ITGA8: variants seen among roughly 807,000 people sequenced by gnomAD.
The protein encoded by ITGA8 is integrin alpha-8.
A neutral mutation model predicts 142.3 loss-of-function variants in ITGA8; 91 were observed. The observed-to-expected ratio is 0.64, with a 90% confidence interval of 0.54 to 0.76. The LOEUF (loss-of-function observed/expected upper bound fraction) is 0.76. Ranked by LOEUF, ITGA8 falls within the 30% of genes least tolerant of loss-of-function variation. The pLI, the probability that ITGA8 is intolerant of heterozygous loss-of-function variation, is 0.00. For missense variants in ITGA8, 1,406 were observed against 1,327.7 expected, an observed-to-expected ratio of 1.06 and a Z score of -0.92; for synonymous variants, 505 against 485.2, an observed-to-expected ratio of 1.04 and a Z score of -0.54.
At chr10:15,546,378 T>C (rs1016929147) in intron 27 of ITGA8, among the ~76,000 whole-genome samples, 1 of 152,178 alleles carries the variant, frequency 6.6e-6, no homozygotes, top group Non-Finnish European at 1.5e-5. Flanking sequence ...CCCTACATAT[T>C]TGTTGAGTGA....
At chr10:15,536,571 A>T (rs76666128) in intron 27 of ITGA8, among the ~76,000 whole-genome samples, 20,101 of 152,192 alleles carry the variant, frequency 0.13, 1,435 homozygotes, top group Middle Eastern at 0.19. Context: ...TCTCTCCCAT[A>T]TAGCAATCTA....
intron 2 of ITGA8, among the ~76,000 whole-genome samples, chr10:15,716,098 G>T (rs1835446136): frequency 6.6e-6 from 1 of 152,186 alleles, no homozygotes; most frequent in Admixed American, 6.5e-5. Context: ...ACAGGTCACA[G>T]CCTTGTTCAT....
rs1473918570 is a variant in ITGA8 at position 15,548,441 on chromosome 10, T to C, written c.2880+14A>G. 3 of 1,574,086 alleles carry C rather than the reference T, an allele frequency of 1.9e-6. No individual in the cohort carries two copies. The highest frequency in any genetic ancestry group is 2.7e-5 in the African/African-American group (2 of 73,652). Reference sequence around the variant, plus strand: ...AGTGAGCAGTGTGTATGTGCTTCTGTGGTTGTTTATTACCTGGAGGAAGGT... The same window carrying C: ...AGTGAGCAGTGTGTATGTGCTTCTGCGGTTGTTTATTACCTGGAGGAAGGT... On this transcript the variant is annotated intron_variant, in intron 27 of 29. Coordinates refer to ENST00000378076, the MANE Select transcript of ITGA8 (RefSeq NM_003638.3).
At chr10:15,638,037 G>GCACTAATAATTAGT (rs1833803999) in intron 13 of ITGA8, among the ~76,000 whole-genome samples, 1 of 151,984 alleles carries the variant, frequency 6.6e-6, no homozygotes. Context: ...TTAATTATTA[G>GCACTAATAATTAGT]CACTAATAAT....
intron 2 of ITGA8, among the ~76,000 whole-genome samples, chr10:15,716,915 G>A (rs1185170570): frequency 1.3e-5 from 2 of 152,146 alleles, no homozygotes; most frequent in Admixed American, 6.5e-5. Flanking sequence ...ACCTGCCTCG[G>A]CCTCCCAAAG....
chr10:15,640,512 G>A (rs1833852094), intron 13 of ITGA8, among the ~76,000 whole-genome samples: 2 of 152,220 alleles, frequency 1.3e-5, no homozygotes, highest in African/African-American at 4.8e-5. Flanking sequence ...CACAAAACAA[G>A]TCATGGAGGC....
At chr10:15,652,740 C>T (rs1023156000) in intron 11 of ITGA8, among the ~76,000 whole-genome samples, 2 of 152,192 alleles carry the variant, frequency 1.3e-5, no homozygotes, top group Admixed American at 6.5e-5. Context: ...ACTATAACTT[C>T]GAAATACATG....
At chr10:15,627,837 G>C (rs1833612849) in intron 13 of ITGA8, among the ~76,000 whole-genome samples, 3 of 150,608 alleles carry the variant, frequency 2.0e-5, no homozygotes, top group Admixed American at 1.3e-4. Context: ...GCATTCCCAG[G>C]TTAGTCATTC....
chr10:15,572,480 C>T (rs1279749134), intron 24 of ITGA8, 111 bp from the exon 25 acceptor site: 2 of 969,620 alleles, frequency 2.1e-6, no homozygotes, highest in African/African-American at 1.6e-5. Flanking sequence ...GGTTTTAAGT[C>T]ATCTGGACTA....
rs553070780 is a variant in ITGA8 at position 15,719,500 on chromosome 10, G to C, written c.209+63C>G. 5.4e-5 allele frequency: 77 copies of C among 1,426,948 alleles called. No homozygotes were observed. The South Asian group carries it at 9.4e-4, about 17-fold the overall frequency. The allele number at this position is 1,426,948 out of a possible 1,614,324, so 88.4% of individuals were successfully genotyped here. ...TGCGGGGGGACTCCGCGGCAGAGCC[G>C]CTGGGACCTGACCCGGGAGCGCCTT... On this transcript the variant is annotated intron_variant, in intron 1 of 29. Coordinates refer to ENST00000378076, the MANE Select transcript of ITGA8 (RefSeq NM_003638.3).
chr10:15,660,073 T>G (rs1282712070), intron 9 of ITGA8, among the ~76,000 whole-genome samples: 1 of 152,194 alleles, frequency 6.6e-6, no homozygotes, highest in African/African-American at 2.4e-5. Flanking sequence ...ATAATGCAAT[T>G]CATTAAAATA....
chr10:15,579,084 G>C, intron 23 of ITGA8, among the ~76,000 whole-genome samples: 1 of 152,028 alleles, frequency 6.6e-6, no homozygotes, highest in Admixed American at 6.6e-5. Flanking sequence ...ATAAAGTTCC[G>C]GGAGACGGAA....
At chr10:15,582,734 A>G (rs1239492661) in intron 23 of ITGA8, among the ~76,000 whole-genome samples, 1 of 152,284 alleles carries the variant, frequency 6.6e-6, no homozygotes, top group Non-Finnish European at 1.5e-5. Flanking sequence ...GTGGAACACT[A>G]TAGGCTTACT....
chr10:15,703,703 A>G (rs143370577), intron 2 of ITGA8, among the ~76,000 whole-genome samples: 26 of 152,322 alleles, frequency 1.7e-4, no homozygotes, highest in East Asian at 1.4e-3. Context: ...ACTACATCCA[A>G]TAGAGGCTGG....
rs746981097 is a variant in ITGA8 at position 15,606,392 on chromosome 10, G to C, written c.1795C>G (p.Pro599Ala). 6.2e-7 allele frequency: 1 copy of C among 1,602,962 alleles called. No individual in the cohort carries two copies. Among genetic ancestry groups the C allele is most frequent in the Non-Finnish European group, 8.5e-7 (1 of 1,171,280 alleles). ...DETEFRDKLS[P>A]INISLNYSLD... Reference sequence around the variant, plus strand: ...CTGTAATTCAAACTAATGTTGATTGGAGATAATTTATCTCGGAATTCAGTT... The same window carrying C: ...CTGTAATTCAAACTAATGTTGATTGCAGATAATTTATCTCGGAATTCAGTT... Residue 599 changes from proline to alanine, a missense_variant, in exon 18 of 30, where the codon CCA (proline) becomes GCA (alanine). Coordinates refer to ENST00000378076, the MANE Select transcript of ITGA8 (RefSeq NM_003638.3).
At chr10:15,625,560 C>T (rs926377469) in intron 13 of ITGA8, among the ~76,000 whole-genome samples, 3 of 152,214 alleles carry the variant, frequency 2.0e-5, no homozygotes, top group Non-Finnish European at 2.9e-5. Context: ...AGCGTGATAG[C>T]TCACAAAGAT....
intron 28 of ITGA8, among the ~76,000 whole-genome samples, chr10:15,523,844 A>T (rs2131533996): frequency 6.6e-6 from 1 of 152,192 alleles, no homozygotes; most frequent in South Asian, 2.1e-4. Flanking sequence ...AGGCAGGAGA[A>T]TCACCTGAAC....
chr10:15,606,514 A>C, intron 17 of ITGA8, 92 bp from the exon 18 acceptor site: 57 of 1,169,510 alleles, frequency 4.9e-5, no homozygotes, highest in Non-Finnish European at 6.8e-5. Context: ...GAATTTACTC[A>C]ATGAAAGTGA....
At chr10:15,617,553 AACG>A (rs1176932587) in intron 13 of ITGA8, among the ~76,000 whole-genome samples, 2 of 152,022 alleles carry the variant, frequency 1.3e-5, no homozygotes, top group Non-Finnish European at 2.9e-5. Flanking sequence ...CACCTGCCAC[AACG>A]CCTGGCTGAT....
Sources: gnomAD v4.1 joint callset for allele counts (sites outside exome capture counted in the v4.1 genomes callset) on GRCh38, gnomAD v4.1.1 for gene constraint, MANE v1.5 for transcripts, NCBI Gene and HGNC (gene_info 2026-07-23, HGNC 2026-07-21) for gene names.